The following ARHGAP42 variants were observed in gnomAD, a reference collection of about 807,000 sequenced individuals.
ARHGAP42 encodes the protein Rho GTPase activating protein 42.
A neutral mutation model predicts 125.0 loss-of-function variants in ARHGAP42; 63 were observed. The ratio of observed to expected loss-of-function variants is 0.50; its 90% CI spans 0.41 to 0.62. The LOEUF is 0.62. Among genes scored for constraint, ARHGAP42 ranks in the 20% least tolerant of loss-of-function variants. ARHGAP42 has a pLI of 0.00. For synonymous variants in ARHGAP42, 339 were observed against 351.0 expected (o/e 0.97, Z 0.38); for missense variants, 766 against 1,024.2 (o/e 0.75, Z 3.44).
intron 2 of ARHGAP42, among the ~76,000 whole-genome samples, chr11:100,790,707 A>G (rs558561489): frequency 1.2e-4 from 18 of 152,320 alleles, no homozygotes; most frequent in East Asian, 3.9e-4. Context: ...AATGCATTCA[A>G]TGGTCATCTA....
At chr11:100,786,245 A>C (rs1863430727) in intron 2 of ARHGAP42, among the ~76,000 whole-genome samples, 1 of 152,220 alleles carries the variant, frequency 6.6e-6, no homozygotes, top group African/African-American at 2.4e-5. Flanking sequence ...CCTCATTTTC[A>C]TGAGCACACT....
At position 100,748,269 on chromosome 11, in the gene ARHGAP42, C is replaced by A. The variant is rs567051510; in HGVS notation, c.155-22074C>A. 2.0e-4 allele frequency among the ~76,000 whole-genome samples: 31 copies of A among 152,330 alleles called. No homozygotes were observed. The South Asian group carries it at 6.0e-3, about 30-fold the overall frequency. ...TTAAGGCTTAGCTGAGTGCAAACAG[C>A]TCGCAGGTTTGAGCAGGCCAATTAT... On this transcript the variant is annotated intron_variant, in intron 1 of 23. Transcript: ENST00000298815.
chr11:100,912,385 C>A (rs543013050), intron 4 of ARHGAP42, among the ~76,000 whole-genome samples: 1 of 152,016 alleles, frequency 6.6e-6, no homozygotes, highest in African/African-American at 2.4e-5. Flanking sequence ...GTTATAAACA[C>A]ATAATGAACT....
intron 17 of ARHGAP42, among the ~76,000 whole-genome samples, chr11:100,971,347 G>C (rs1046749462): frequency 6.6e-6 from 1 of 151,768 alleles, no homozygotes; most frequent in Non-Finnish European, 1.5e-5. Flanking sequence ...TTCTTTATTT[G>C]TAAACTCCTA....
At chr11:100,779,567 T>TATACGTACATATATACGTATAC (rs1863245020) in intron 2 of ARHGAP42, among the ~76,000 whole-genome samples, 2 of 146,960 alleles carry the variant, frequency 1.4e-5, no homozygotes, top group Non-Finnish European at 3.0e-5. Flanking sequence ...CATACGTATA[T>TATACGTACATATATACGTATAC]ATACGTATAT....
intron 4 of ARHGAP42, among the ~76,000 whole-genome samples, chr11:100,903,117 G>GCGCACACAGACACACACACACACA (rs373508179): frequency 2.3e-5 from 3 of 132,036 alleles, no homozygotes; most frequent in East Asian, 4.6e-4. Flanking sequence ...TCCAAGATGC[G>GCGCACACAGACACACACACACACA]CACACACACA....
At chr11:100,893,871 C>A (rs512176) in intron 4 of ARHGAP42, among the ~76,000 whole-genome samples, 121,135 of 152,050 alleles carry the variant, frequency 0.8, 48,701 homozygotes, top group East Asian at 1. Flanking sequence ...TCTAGTTTAT[C>A]AGTTATTTTC....
At chr11:100,957,895 A>C (rs1857845838) in intron 12 of ARHGAP42, among the ~76,000 whole-genome samples, 1 of 152,092 alleles carries the variant, frequency 6.6e-6, no homozygotes, top group African/African-American at 2.4e-5. Context: ...AATACTTAAG[A>C]GAGAAATTCT....
At chr11:100,826,944 G>A (rs370253179) in intron 3 of ARHGAP42, among the ~76,000 whole-genome samples, 2 of 151,720 alleles carry the variant, frequency 1.3e-5, no homozygotes, top group East Asian at 1.9e-4. Context: ...GGGTGGCAAC[G>A]GGGAAAGAAT....
intron 17 of ARHGAP42, among the ~76,000 whole-genome samples, chr11:100,966,548 G>T (rs974486954): frequency 6.6e-6 from 1 of 151,936 alleles, no homozygotes; most frequent in Non-Finnish European, 1.5e-5. Context: ...ATTGGATGAG[G>T]CCCACCTACA....
At chr11:100,895,763 G>A (rs138090490) in intron 4 of ARHGAP42, among the ~76,000 whole-genome samples, 1 of 152,176 alleles carries the variant, frequency 6.6e-6, no homozygotes, top group East Asian at 1.9e-4. Context: ...TCTATTCTTA[G>A]CAGCCGTGTG....
chr11:100,846,336 G>C (rs1865064563), intron 3 of ARHGAP42, among the ~76,000 whole-genome samples: 1 of 152,128 alleles, frequency 6.6e-6, no homozygotes, highest in African/African-American at 2.4e-5. Flanking sequence ...CACTCAGCTA[G>C]TGTATGCATG....
At chr11:100,778,589 T>G (rs2135003757) in intron 2 of ARHGAP42, among the ~76,000 whole-genome samples, 1 of 152,218 alleles carries the variant, frequency 6.6e-6, no homozygotes, top group Non-Finnish European at 1.5e-5. Flanking sequence ...ACCCTTATTT[T>G]TGTACCCACA....
rs142333281 is a variant in ARHGAP42 at position 100,691,556 on chromosome 11, T to C, written c.154+3724T>C. Reference sequence around the variant, plus strand: ...TTTATTTATTTTGAGACAGGGTCACTCTGTCATGGAGTGCAGTGATACAGA... The same window carrying C: ...TTTATTTATTTTGAGACAGGGTCACCCTGTCATGGAGTGCAGTGATACAGA... On this transcript the variant is annotated intron_variant, in intron 1 of 23. Coordinates refer to ENST00000298815, the MANE Select transcript of ARHGAP42 (RefSeq NM_152432.4). Among the ~76,000 whole-genome samples the C allele has an allele frequency of 1.9e-3, 290 of 152,246 alleles. 3 individuals are homozygous for C. The highest frequency in any genetic ancestry group is 6.7e-3 in the African/African-American group (280 of 41,530).
chr11:100,788,337 A>G (rs594342), intron 2 of ARHGAP42, among the ~76,000 whole-genome samples: 5,241 of 152,308 alleles, frequency 0.034, 101 homozygotes, highest in African/African-American at 0.044. Context: ...ATTGTGGAGA[A>G]CCAGACTTAG....
intron 1 of ARHGAP42, among the ~76,000 whole-genome samples, chr11:100,739,193 A>G (rs1862127800): frequency 6.6e-6 from 1 of 151,802 alleles, no homozygotes; most frequent in Non-Finnish European, 1.5e-5. Context: ...TTTGAGATTC[A>G]TTAACTGGTT....
chr11:100,702,566 TA>T (rs34466184), intron 1 of ARHGAP42, among the ~76,000 whole-genome samples: 86 of 141,056 alleles, frequency 6.1e-4, no homozygotes, highest in South Asian at 2.2e-3. Flanking sequence ...CTTCGATTTG[TA>T]AAAAAAAAAA....
At chr11:100,837,683 T>A (rs1205331248) in intron 3 of ARHGAP42, among the ~76,000 whole-genome samples, 11 of 140,540 alleles carry the variant, frequency 7.8e-5, no homozygotes, top group East Asian at 4.2e-4. Flanking sequence ...TTTTTTTTTT[T>A]TTTTTTTTTT....
intron 4 of ARHGAP42, among the ~76,000 whole-genome samples, chr11:100,905,372 C>G (rs75934171): frequency 0.052 from 7,966 of 152,190 alleles, 378 homozygotes; most frequent in East Asian, 0.25. Context: ...TTATTGAAAA[C>G]TATGTATGTC....
Sources: gnomAD v4.1 joint callset for allele counts (sites outside exome capture counted in the v4.1 genomes callset) on GRCh38, gnomAD v4.1.1 for gene constraint, MANE v1.5 for transcripts, NCBI Gene and HGNC (gene_info 2026-07-23, HGNC 2026-07-21) for gene names.